The following RANBP3 variants were observed in gnomAD, a reference collection of about 807,000 sequenced individuals.
RANBP3 encodes the protein ran-binding protein 3.
RANBP3 carries 14 observed loss-of-function variants against 77.3 expected under a neutral mutation model. The observed-to-expected ratio is 0.18, with a 90% CI of 0.12 to 0.28. The LOEUF (loss-of-function observed/expected upper bound fraction) is 0.28. RANBP3 is among the 10% of genes least tolerant of loss of function. RANBP3 has a pLI of 1.00. For missense variants in RANBP3, 586 were observed against 752.3 expected, an observed-to-expected ratio of 0.78 and a Z score of 2.59; for synonymous variants, 315 against 312.4, an observed-to-expected ratio of 1.01 and a Z score of -0.09.
chr19:5,961,409 TCAAAACAAAACAAAA>T (rs760576600), intron 1 of RANBP3, among the ~76,000 whole-genome samples: 1 of 140,124 alleles, frequency 7.1e-6, no homozygotes, highest in Non-Finnish European at 1.5e-5. Context: ...AGATTCCATC[TCAAAACAAAACAAAA>T]CAAAACAAAA....
chr19:5,922,285 C>G (rs969313827), intron 13 of RANBP3, among the ~76,000 whole-genome samples: 2 of 152,248 alleles, frequency 1.3e-5, no homozygotes, highest in African/African-American at 4.8e-5. Flanking sequence ...CCCTACATGG[C>G]TTTCCACATA....
intron 3 of RANBP3, among the ~76,000 whole-genome samples, chr19:5,942,148 G>A (rs1055014757): frequency 3.9e-5 from 6 of 152,078 alleles, no homozygotes; most frequent in African/African-American, 1.4e-4. Context: ...AAACACAGCC[G>A]AACCTCATCT....
At position 5,978,119 on chromosome 19, in the gene RANBP3, G is replaced by T. The variant is rs763742728; in HGVS notation, c.-37C>A. ...AAGCCCTCCCACAAGGCCCCGCGCC[G>T]GCCCAGGCTCGCCTGCTTTCTGCCA... On this transcript the variant is annotated 5_prime_UTR_variant, in exon 1 of 17. Coordinates refer to ENST00000340578, the MANE Select transcript of RANBP3 (RefSeq NM_007322.3). The T allele has an allele frequency of 6.3e-7, 1 of 1,599,454 alleles. No homozygotes were observed. The highest frequency in any genetic ancestry group is 8.5e-7 in the Non-Finnish European group (1 of 1,174,014).
intron 1 of RANBP3, among the ~76,000 whole-genome samples, chr19:5,967,586 T>C (rs2058482542): frequency 6.6e-6 from 1 of 152,178 alleles, no homozygotes; most frequent in African/African-American, 2.4e-5. Flanking sequence ...GCCTTCTTTA[T>C]TTCTACCTTT....
At position 5,931,379 on chromosome 19, in the gene RANBP3, C is replaced by A. The variant is rs568282828; in HGVS notation, c.693+25G>T. 186 of 1,590,656 alleles carry A rather than the reference C, an allele frequency of 1.2e-4. 2 individuals carry two copies. The South Asian group carries it at 2.0e-3, about 17-fold the overall frequency. ...CTCCCAAGGGGCCTAGCATGCAGCG[C>A]TTCCCTGCCTCAGGACCCACTGACC... On this transcript the variant is annotated intron_variant, in intron 8 of 16. Transcript: ENST00000340578.
intron 2 of RANBP3, among the ~76,000 whole-genome samples, chr19:5,955,806 G>C (rs2058328731): frequency 6.6e-6 from 1 of 152,230 alleles, no homozygotes; most frequent in East Asian, 1.9e-4. Flanking sequence ...CAACCGCAAA[G>C]GGGATAGTTG....
rs1442178626 is a variant in RANBP3 at position 5,925,743 on chromosome 19, A to G, written c.814-6T>C. The stretch of plus-strand genomic sequence containing the variant: ...TCCACGCTCTCATTTATCAGCTGGG[A>G]ATGAGACGGAGCGCTCAGTAATCGG... On this transcript the variant is annotated splice_polypyrimidine_tract_variant and splice_region_variant and intron_variant, in intron 9 of 16. Coordinates refer to ENST00000340578, the MANE Select transcript of RANBP3 (RefSeq NM_007322.3). 2.5e-6 allele frequency: 4 copies of G among 1,612,050 alleles called. No individual in the cohort carries two copies. Among genetic ancestry groups the G allele is most frequent in the Non-Finnish European group, 3.4e-6 (4 of 1,178,788 alleles).
chr19:5,927,652 T>C (rs1331613611), intron 9 of RANBP3, among the ~76,000 whole-genome samples: 1 of 152,196 alleles, frequency 6.6e-6, no homozygotes, highest in Non-Finnish European at 1.5e-5. Flanking sequence ...GTGCTGTCTT[T>C]CTTCTCTGCT....
In RANBP3 at chr19:5,921,229, G is replaced by A. The variant is rs370324730; in HGVS notation, c.1302C>T (p.Thr434=). 46 of 1,612,796 alleles carry A rather than the reference G, an allele frequency of 2.9e-5. No homozygotes were observed. Among genetic ancestry groups the A allele is most frequent in the Non-Finnish European group, 3.6e-5 (42 of 1,179,888 alleles). The change falls in exon 14 of 17, where the codon ACC becomes ACT. Residue 434 remains threonine, a synonymous_variant. Transcript: ENST00000340578. The surrounding 1 kb of genome is among the most constrained non-coding windows in gnomAD (Gnocchi z 5.3). ...GTCGGGACTGTAGTGTGCCGTCATC[G>A]GTGGACGCCATGTCATTGAGTCTGA... ...GLLRLNDMAS[T]DDGTLQSRLV...
intron 8 of RANBP3, chr19:5,928,449 A>G: frequency 6.3e-6 from 1 of 158,418 alleles, no homozygotes; most frequent in Non-Finnish European, 1.4e-5. Flanking sequence ...GAAAAAAAGT[A>G]CAGCACAGCT....
At chr19:5,944,558 C>T (rs1256386732) in intron 3 of RANBP3, among the ~76,000 whole-genome samples, 3 of 152,268 alleles carry the variant, frequency 2.0e-5, no homozygotes, top group African/African-American at 7.2e-5. Flanking sequence ...TTACATCAGC[C>T]TCCCAGCACA....
At chr19:5,919,901 C>A (rs7508205) in intron 14 of RANBP3, among the ~76,000 whole-genome samples, 161 of 129,834 alleles carry the variant, frequency 1.2e-3, no homozygotes, top group Middle Eastern at 4.0e-3. Flanking sequence ...AACTCCGTCT[C>A]AAAAAAAAAA....
At position 5,942,719 on chromosome 19, in the gene RANBP3, A is replaced by C. The variant is rs940476921; in HGVS notation, c.283-884T>G. 4.4e-4 allele frequency among the ~76,000 whole-genome samples: 66 copies of C among 151,180 alleles called. 1 individual carries two copies. The highest frequency in any genetic ancestry group is 3.4e-3 in the Middle Eastern group (1 of 294). On this transcript the variant is annotated intron_variant, in intron 3 of 16. Transcript: ENST00000340578. ...CTGTCTCAAAAAAAAAAAAAAAAAA[A>C]ACAAAAGGACTTAAAATGGACTGGG...
chr19:5,918,699 C>T (rs991956985), intron 14 of RANBP3, 61 bp from the exon 15 acceptor site: 1 of 1,584,426 alleles, frequency 6.3e-7, no homozygotes, highest in East Asian at 2.3e-5. Flanking sequence ...AAACAGCCAG[C>T]TCCAAGAGCC....
At chr19:5,969,955 A>G (rs1258434797) in intron 1 of RANBP3, among the ~76,000 whole-genome samples, 1 of 152,208 alleles carries the variant, frequency 6.6e-6, no homozygotes, top group African/African-American at 2.4e-5. Context: ...GCTGGCAATT[A>G]ATTTATTCCT....
rs748411418 is a variant in RANBP3, at chr19:5,927,988, T to A, written c.793A>T (p.Asn265Tyr). Residue 265 changes from asparagine to tyrosine, a missense_variant, in exon 9 of 17, where the codon AAC becomes TAC. Coordinates refer to ENST00000340578, the MANE Select transcript of RANBP3 (RefSeq NM_007322.3). ...CATACCTTAACTCTGTCCCTCAAGT[T>A]CTGCCCAAATACAAAGGCTTGCTGT... The part of the protein sequence containing the change: ...ATQQAFVFGQ[N>Y]LRDRVKLINE... The A allele has an allele frequency of 5.0e-6, 8 of 1,613,190 alleles. No homozygotes were observed. The Admixed American group carries it at 1.3e-4, about 27-fold the overall frequency.
chr19:5,921,355 C>A lies in RANBP3; in HGVS notation c.1210-34G>T. On this transcript the variant is annotated intron_variant, in intron 13 of 16. Transcript: ENST00000340578. The surrounding 1 kb of genome is among the most constrained non-coding windows in gnomAD (Gnocchi z 5.3). ...CAGTGGCCGCCGGTAAGCAGGGACC[C>A]CAGCTGGTGTCCTGCTGCAGCCACA... 6.2e-7 allele frequency: 1 copy of A among 1,610,272 alleles called. No homozygotes were observed. The highest frequency in any genetic ancestry group is 1.1e-5 in the South Asian group (1 of 90,810).
chr19:5,953,472 G>A (rs1275485688), intron 2 of RANBP3, among the ~76,000 whole-genome samples: 3 of 152,182 alleles, frequency 2.0e-5, no homozygotes, highest in African/African-American at 7.2e-5. Flanking sequence ...CACATTTTCA[G>A]TGATACTGTA....
intron 3 of RANBP3, 93 bp from the exon 4 acceptor site, chr19:5,941,928 C>T: frequency 7.0e-7 from 1 of 1,422,130 alleles, no homozygotes. Context: ...CCAACATGCA[C>T]CACGGGCAGC....
Sources: gnomAD v4.1 joint callset for allele counts (sites outside exome capture counted in the v4.1 genomes callset) on GRCh38, gnomAD v4.1.1 for gene constraint, Gnocchi (gnomAD v3.1) non-coding constraint, MANE v1.5 for transcripts, NCBI Gene and HGNC (gene_info 2026-07-23, HGNC 2026-07-21) for gene names.